Variants in NELL1 observed in about 807,000 individuals in gnomAD.
NELL1 encodes the protein neural EGFL like 1.
Under a neutral mutation model 107.4 loss-of-function variants are expected in NELL1, and 76 were observed. The observed-to-expected ratio is 0.71, with a 90% CI of 0.59 to 0.86. NELL1 has a LOEUF of 0.86. NELL1 is among the 40% of genes least tolerant of loss of function. The pLI is 0.00. For missense variants in NELL1, 1,024 were observed against 1,005.5 expected (o/e 1.02, Z -0.25); for synonymous variants, 353 against 341.2 (o/e 1.03, Z -0.38).
At position 20,714,194 on chromosome 11, in the gene NELL1, A is replaced by ATTTTT. The variant is rs34441596; in HGVS notation, c.184+36156_184+36160dup. On this transcript the variant is annotated intron_variant, in intron 2 of 19. Coordinates refer to ENST00000357134, the MANE Select transcript of NELL1 (RefSeq NM_006157.5). ...CTGTCTCCTATCTGCTATCTCCCCG[A>ATTTTT]TTTTTTTTTTTTTTTTTTTTTTTTT... Among the ~76,000 whole-genome samples the ATTTTT allele has an allele frequency of 1.7e-3, 104 of 61,772 alleles. 20 individuals carry two copies. Among genetic ancestry groups the ATTTTT allele is most frequent in the African/African-American group, 4.8e-3 (76 of 15,752 alleles). The allele number at this position is 61,772 out of a possible 152,430, so 40.5% of individuals were successfully genotyped here. A position where few individuals can be genotyped will look rare whatever the true frequency, so the allele number is the denominator to read the frequency against.
intron 14 of NELL1, among the ~76,000 whole-genome samples, chr11:21,251,014 G>A (rs910077626): frequency 1.2e-4 from 19 of 152,066 alleles, no homozygotes; most frequent in Non-Finnish European, 1.9e-4. Context: ...TTGAGTCCTC[G>A]GTTCTGAATG....
At chr11:21,257,916 T>C (rs1858810785) in intron 14 of NELL1, among the ~76,000 whole-genome samples, 1 of 151,956 alleles carries the variant, frequency 6.6e-6, no homozygotes, top group South Asian at 2.1e-4. Context: ...TACATCCCTT[T>C]CTCCTAGTCT....
intron 13 of NELL1, among the ~76,000 whole-genome samples, chr11:21,201,059 T>C (rs549695223): frequency 6.6e-6 from 1 of 152,336 alleles, no homozygotes; most frequent in South Asian, 2.1e-4. Flanking sequence ...TGAGGTCAGG[T>C]AGCGTGATGC....
chr11:21,090,443 A>T (rs1389896883), intron 12 of NELL1, among the ~76,000 whole-genome samples: 1 of 152,182 alleles, frequency 6.6e-6, no homozygotes, highest in Non-Finnish European at 1.5e-5. Context: ...GCTCTATTAA[A>T]AAAAGCATTT....
intron 3 of NELL1, among the ~76,000 whole-genome samples, chr11:20,840,824 T>C (rs1403718220): frequency 6.6e-6 from 1 of 152,206 alleles, no homozygotes; most frequent in Non-Finnish European, 1.5e-5. Context: ...TAGAAGAGTA[T>C]GCCAGATGGG....
intron 3 of NELL1, among the ~76,000 whole-genome samples, chr11:20,826,291 G>C (rs749956230): frequency 6.6e-6 from 1 of 151,156 alleles, no homozygotes; most frequent in Non-Finnish European, 1.5e-5. Flanking sequence ...CCCTCTGCCT[G>C]TAGTCCTTGA....
intron 2 of NELL1, among the ~76,000 whole-genome samples, chr11:20,693,933 C>T (rs7127340): frequency 0.2 from 29,676 of 151,026 alleles, 2,942 homozygotes; most frequent in African/African-American, 0.24. Flanking sequence ...CAATCAGACG[C>T]AGATTTGGTC....
intron 12 of NELL1, among the ~76,000 whole-genome samples, chr11:21,050,123 T>C (rs1853456703): frequency 1.3e-5 from 2 of 152,182 alleles, no homozygotes; most frequent in Admixed American, 6.5e-5. Flanking sequence ...ATATAAGATA[T>C]AATTATCTGC....
At position 20,972,376 on chromosome 11, in the gene NELL1, G is replaced by A. The variant is rs79099967; in HGVS notation, c.1300+11816G>A. ...TGTCAATGAGTAGTTAGGAAGGGGA[G>A]GGCTAATTCTTGGAGTTAGCAGGAA... On this transcript the variant is annotated intron_variant, in intron 12 of 19. Coordinates refer to ENST00000357134, the MANE Select transcript of NELL1 (RefSeq NM_006157.5). 8.1e-3 allele frequency among the ~76,000 whole-genome samples: 1,233 copies of A among 152,130 alleles called. 17 individuals are homozygous for A. The highest frequency in any genetic ancestry group is 0.028 in the African/African-American group (1,174 of 41,492).
rs139865203 is a variant in NELL1, at chr11:21,050,271, G to A, written c.1301-63318G>A. Among the ~76,000 whole-genome samples, 429 of 133,776 alleles carry A rather than the reference G, an allele frequency of 3.2e-3. 2 individuals are homozygous for A. Among genetic ancestry groups the A allele is most frequent in the African/African-American group, 0.013 (399 of 31,294 alleles). The allele number at this position is 133,776 out of a possible 152,430, so 87.8% of individuals were successfully genotyped here. ...AAGGAAAACTTGCAAACCCATCCCCGCCCCCCACTTTTTTTTAACAGCTTC... is the reference window on the plus strand; with the variant it reads ...AAGGAAAACTTGCAAACCCATCCCCACCCCCCACTTTTTTTTAACAGCTTC... On this transcript the variant is annotated intron_variant, in intron 12 of 19. Coordinates refer to ENST00000357134, the MANE Select transcript of NELL1 (RefSeq NM_006157.5).
At chr11:21,026,212 G>T (rs567182111) in intron 12 of NELL1, among the ~76,000 whole-genome samples, 1 of 152,126 alleles carries the variant, frequency 6.6e-6, no homozygotes, top group African/African-American at 2.4e-5. Context: ...CTGCTTCCCA[G>T]TTCACTCAGT....
chr11:21,523,142 C>A (rs557810176), intron 15 of NELL1, among the ~76,000 whole-genome samples: 25 of 151,958 alleles, frequency 1.6e-4, no homozygotes, highest in African/African-American at 6.0e-4. Context: ...CTACTGCACC[C>A]GGCTGAATCC....
chr11:20,869,455 C>A (rs1349988681), intron 4 of NELL1, among the ~76,000 whole-genome samples: 4 of 152,142 alleles, frequency 2.6e-5, no homozygotes, highest in Non-Finnish European at 1.5e-5. Flanking sequence ...GACAATTAAT[C>A]TATGTAAGAG....
At chr11:21,127,261 G>A (rs1590661355) in intron 13 of NELL1, among the ~76,000 whole-genome samples, 1 of 152,036 alleles carries the variant, frequency 6.6e-6, no homozygotes, top group South Asian at 2.1e-4. Flanking sequence ...TATAAAAATA[G>A]TATATTAATA....
intron 4 of NELL1, among the ~76,000 whole-genome samples, chr11:20,850,991 C>T (rs1848784954): frequency 6.6e-6 from 1 of 152,138 alleles, no homozygotes; most frequent in Non-Finnish European, 1.5e-5. Context: ...AAACTATCTC[C>T]AAAACCTTAG....
chr11:21,145,290 T>C (rs925056632), intron 13 of NELL1, among the ~76,000 whole-genome samples: 12 of 152,184 alleles, frequency 7.9e-5, no homozygotes, highest in African/African-American at 2.7e-4. Context: ...ATCCAACTTA[T>C]AAGTGGTAGA....
chr11:20,737,046 C>G (rs1259430759), intron 2 of NELL1, among the ~76,000 whole-genome samples: 1 of 152,148 alleles, frequency 6.6e-6, no homozygotes, highest in African/African-American at 2.4e-5. Context: ...AGCCACCGTG[C>G]TTGCCCCCCT....
At chr11:21,127,854 T>G (rs926304651) in intron 13 of NELL1, among the ~76,000 whole-genome samples, 4 of 152,216 alleles carry the variant, frequency 2.6e-5, no homozygotes, top group Non-Finnish European at 4.4e-5. Context: ...TGTTTATGGT[T>G]AAAAATATTC....
At chr11:21,113,309 A>G (rs1019928491) in intron 12 of NELL1, among the ~76,000 whole-genome samples, 17 of 151,986 alleles carry the variant, frequency 1.1e-4, no homozygotes, top group African/African-American at 3.9e-4. Context: ...TAAAAAGAGT[A>G]TTCTCCTTGG....
Sources: gnomAD v4.1 joint callset for allele counts (sites outside exome capture counted in the v4.1 genomes callset) on GRCh38, gnomAD v4.1.1 for gene constraint, MANE v1.5 for transcripts, NCBI Gene and HGNC (gene_info 2026-07-23, HGNC 2026-07-21) for gene names.